CSMD3: variants seen among roughly 807,000 people sequenced by gnomAD.
The protein encoded by CSMD3 is CUB and sushi domain-containing protein 3.
In CSMD3, 177 loss-of-function variants were observed where a neutral mutation model predicts 435.2. The ratio of observed to expected loss-of-function variants is 0.41; its 90% CI spans 0.36 to 0.46. The LOEUF (loss-of-function observed/expected upper bound fraction) is 0.46, where lower values mean the gene tolerates loss of function less well. Ranked by LOEUF, CSMD3 falls within the 20% of genes least tolerant of loss-of-function variation. The probability of loss-of-function intolerance (pLI) is 0.34; values close to 1 mark genes in which losing one functional copy is unlikely to be tolerated. For synonymous variants in CSMD3, 1,656 were observed against 1,520.5 expected (o/e 1.09, Z -2.07); for missense variants, 4,265 against 4,504.6 (o/e 0.95, Z 1.52).
intron 32 of CSMD3, among the ~76,000 whole-genome samples, chr8:112,438,784 TTAAA>T (rs1256490904): frequency 3.3e-5 from 5 of 152,152 alleles, no homozygotes; most frequent in Non-Finnish European, 7.4e-5. Flanking sequence ...TAGCATTTGG[TTAAA>T]TAAATGAAAA....
chr8:113,265,931 G>A lies in CSMD3; in HGVS notation c.514+12661C>T, dbSNP rs186720967. 2.8e-3 allele frequency among the ~76,000 whole-genome samples: 427 copies of A among 151,500 alleles called. No individual in the cohort carries two copies. In the Middle Eastern group the frequency reaches 0.037, roughly 13 times the overall value. Reference sequence around the variant, plus strand: ...CTCGTATTCTGTTTTTTGAAATATAGTAACTCTCATTTATTCTTAGAAGTA... The same window carrying A: ...CTCGTATTCTGTTTTTTGAAATATAATAACTCTCATTTATTCTTAGAAGTA... On this transcript the variant is annotated intron_variant, in intron 3 of 70. Coordinates refer to ENST00000297405, the MANE Select transcript of CSMD3 (RefSeq NM_198123.2).
At chr8:112,315,008 T>G (rs1326981782) in intron 47 of CSMD3, among the ~76,000 whole-genome samples, 1 of 151,938 alleles carries the variant, frequency 6.6e-6, no homozygotes, top group Non-Finnish European at 1.5e-5. Context: ...TAACTCACTC[T>G]CTTCTCTCTT....
intron 13 of CSMD3, among the ~76,000 whole-genome samples, chr8:112,723,078 G>A (rs34307260): frequency 0.18 from 26,435 of 150,720 alleles, 2,458 homozygotes; most frequent in Middle Eastern, 0.33. Context: ...TTGATAAAAC[G>A]TAGTGTTAAA....
At chr8:112,294,975 T>C (rs928748062) in intron 54 of CSMD3, among the ~76,000 whole-genome samples, 2 of 152,102 alleles carry the variant, frequency 1.3e-5, no homozygotes, top group Non-Finnish European at 2.9e-5. Flanking sequence ...TTAGTGGTGA[T>C]TTCTGAGATT....
chr8:113,359,923 G>A (rs771922629), intron 1 of CSMD3, among the ~76,000 whole-genome samples: 5 of 152,150 alleles, frequency 3.3e-5, no homozygotes, highest in African/African-American at 9.7e-5. Flanking sequence ...TGGGTAGGCT[G>A]CTGTGGACTA....
intron 35 of CSMD3, among the ~76,000 whole-genome samples, chr8:112,398,189 A>C (rs1831012044): frequency 6.6e-6 from 1 of 152,218 alleles, no homozygotes; most frequent in Non-Finnish European, 1.5e-5. Context: ...TCTGTTCTTC[A>C]GTCCCACTGG....
chr8:113,174,820 T>G (rs938065467), intron 3 of CSMD3, among the ~76,000 whole-genome samples: 1 of 151,848 alleles, frequency 6.6e-6, no homozygotes, highest in African/African-American at 2.4e-5. Flanking sequence ...CAGTAATTAA[T>G]GAACTAAAAG....
rs1195433702 is a variant in CSMD3 at position 112,550,688 on chromosome 8, A to T, written c.4547T>A (p.Phe1516Tyr). The T allele has an allele frequency of 7.5e-6, 12 of 1,601,854 alleles. No individual in the cohort carries two copies. The highest frequency in any genetic ancestry group is 8.6e-6 in the Non-Finnish European group (10 of 1,169,494). ...DTDFYISKSG[F>Y]AIQFSSSVAT... is the part of the protein sequence containing the mutation. Reference sequence around the variant, plus strand: ...AAACTTACTTGAAAACTGAATTGCAAATCCAGATTTGCTAATATAAAAATC... The same window carrying T: ...AAACTTACTTGAAAACTGAATTGCATATCCAGATTTGCTAATATAAAAATC... The change falls in exon 27 of 71, where the codon TTT (phenylalanine) becomes TAT (tyrosine). Residue 1516 changes from phenylalanine to tyrosine, a missense_variant. By Grantham distance (22) the Phe-to-Tyr change is conservative (BLOSUM62 3). Coordinates refer to ENST00000297405, the MANE Select transcript of CSMD3 (RefSeq NM_198123.2).
At chr8:112,910,557 T>C (rs992314990) in intron 10 of CSMD3, among the ~76,000 whole-genome samples, 12 of 151,856 alleles carry the variant, frequency 7.9e-5, no homozygotes, top group African/African-American at 2.9e-4. Context: ...CTATCCCCTC[T>C]ATTCTGAATC....
At position 113,314,783 on chromosome 8, in the gene CSMD3, A is replaced by G. The variant is rs1174491477; in HGVS notation, c.189T>C (p.Tyr63=). The part of the protein sequence containing the change: ...LTVSCVKGFI[Y]TCGGTLKGLN... ...GTCCTTTTAAAGTTCCACCACATGT[A>G]TAAATAAATCCTGCAACAAAAGACA... The change falls in exon 2 of 71, where the codon TAT becomes TAC. Residue 63 remains tyrosine (Y), a synonymous_variant. Coordinates refer to ENST00000297405, the MANE Select transcript of CSMD3 (RefSeq NM_198123.2). The G allele has an allele frequency of 1.2e-6, 2 of 1,600,180 alleles. No individual in the cohort carries two copies. Among genetic ancestry groups the G allele is most frequent in the East Asian group, 4.5e-5 (2 of 44,716 alleles).
intron 38 of CSMD3, among the ~76,000 whole-genome samples, chr8:112,378,065 T>A (rs1829118199): frequency 6.6e-6 from 1 of 152,038 alleles, no homozygotes; most frequent in African/African-American, 2.4e-5. Context: ...ATTGTCCCTG[T>A]CTGCAGATGA....
rs977085927 is a variant in CSMD3 at position 112,281,791 on chromosome 8, T to G, written c.9332-441A>C. Among the ~76,000 whole-genome samples, 3 of 152,192 alleles carry G rather than the reference T, an allele frequency of 2.0e-5. No homozygotes were observed. The South Asian group carries it at 6.2e-4, about 31-fold the overall frequency. On this transcript the variant is annotated intron_variant, in intron 58 of 70. Transcript: ENST00000297405. ...AAAAGACAGATACACAATTTTAATA[T>G]TGTAAGCATCTATGTATATTTTTGT...
At chr8:113,048,083 C>CTTTTTTTT (rs35254619) in intron 5 of CSMD3, among the ~76,000 whole-genome samples, 1 of 106,946 alleles carries the variant, frequency 9.4e-6, no homozygotes, top group Non-Finnish European at 1.8e-5. Context: ...AACTTCAATT[C>CTTTTTTTT]TTTTTTTTTT....
At chr8:113,356,719 T>C in intron 1 of CSMD3, among the ~76,000 whole-genome samples, 1 of 152,156 alleles carries the variant, frequency 6.6e-6, no homozygotes, top group South Asian at 2.1e-4. Flanking sequence ...TTCTATCAAA[T>C]ATATGGAATA....
intron 45 of CSMD3, among the ~76,000 whole-genome samples, chr8:112,331,691 C>G (rs999477649): frequency 2.0e-5 from 3 of 151,860 alleles, no homozygotes; most frequent in Non-Finnish European, 2.9e-5. Flanking sequence ...ATATACAAGT[C>G]TTGAGAAAAT....
intron 1 of CSMD3, among the ~76,000 whole-genome samples, chr8:113,433,193 G>A (rs2094685550): frequency 6.6e-6 from 1 of 152,158 alleles, no homozygotes; most frequent in Admixed American, 6.5e-5. Flanking sequence ...GTCTAGGTGG[G>A]TTTTTGTTTG....
At chr8:112,226,116 C>T (rs991237494) in intron 70 of CSMD3, among the ~76,000 whole-genome samples, 1 of 152,050 alleles carries the variant, frequency 6.6e-6, no homozygotes, top group Non-Finnish European at 1.5e-5. Context: ...ATCACTAATG[C>T]ATTTTTCTGA....
At chr8:113,211,331 G>T in intron 3 of CSMD3, among the ~76,000 whole-genome samples, 1 of 152,048 alleles carries the variant, frequency 6.6e-6, no homozygotes, top group Non-Finnish European at 1.5e-5. Flanking sequence ...AAGTATCAGA[G>T]ATACAAATCT....
intron 57 of CSMD3, among the ~76,000 whole-genome samples, 169 bp downstream of exon 57, chr8:112,289,196 C>G (rs1476165851): frequency 1.3e-5 from 2 of 152,026 alleles, no homozygotes; most frequent in Non-Finnish European, 2.9e-5. Context: ...ATTTCTATAG[C>G]CTTACACATA....
Sources: allele counts gnomAD v4.1 joint callset (sites outside exome capture counted in the v4.1 genomes callset), GRCh38; gene constraint gnomAD v4.1.1; transcripts MANE v1.5; gene names NCBI Gene and HGNC (gene_info 2026-07-23, HGNC 2026-07-21).